The following COL23A1 variants were observed in gnomAD, a reference collection of about 807,000 sequenced individuals.
The protein encoded by COL23A1 is collagen type XXIII alpha 1 chain, also known as collagen alpha-1(XXIII) chain.
COL23A1 carries 97 observed loss-of-function variants against 99.3 expected under a neutral mutation model. The observed-to-expected ratio is 0.98, with a 90% confidence interval of 0.83 to 1.16. The LOEUF (loss-of-function observed/expected upper bound fraction) is 1.16, where lower values mean the gene tolerates loss of function less well. COL23A1 is among the 50% of genes most tolerant of loss of function. The pLI, the probability that COL23A1 is intolerant of heterozygous loss-of-function variation, is 0.00. For missense variants in COL23A1, 762 were observed against 757.4 expected (o/e 1.01, Z -0.07); for synonymous variants, 320 against 308.2 (o/e 1.04, Z -0.40).
At chr5:178,412,636 C>G (rs1765110274) in intron 2 of COL23A1, among the ~76,000 whole-genome samples, 1 of 152,088 alleles carries the variant, frequency 6.6e-6, no homozygotes, top group Non-Finnish European at 1.5e-5. Flanking sequence ...TTTGGTGAAG[C>G]ATAATATACA....
intron 2 of COL23A1, among the ~76,000 whole-genome samples, chr5:178,326,891 C>T (rs907617038): frequency 1.9e-4 from 29 of 152,188 alleles, no homozygotes; most frequent in African/African-American, 5.8e-4. Context: ...GGCTAATTTT[C>T]GTATTTTTAG....
intron 1 of COL23A1, among the ~76,000 whole-genome samples, chr5:178,588,150 C>A (rs538715745): frequency 2.0e-3 from 302 of 152,308 alleles, no homozygotes; most frequent in Non-Finnish European, 3.4e-3. Flanking sequence ...AGAACACACA[C>A]CCTGTCCAAT....
At chr5:178,391,854 T>C (rs1478043850) in intron 2 of COL23A1, among the ~76,000 whole-genome samples, 1 of 151,702 alleles carries the variant, frequency 6.6e-6, no homozygotes, top group Admixed American at 6.6e-5. Context: ...AATGGATAAA[T>C]AAAATGTGGT....
rs1561795929 is a variant in COL23A1, at chr5:178,256,923, C to T, written c.780G>A (p.Glu260=). 6.2e-7 allele frequency: 1 copy of T among 1,613,376 alleles called. No individual in the cohort carries two copies. Among genetic ancestry groups the T allele is most frequent in the South Asian group, 1.1e-5 (1 of 90,988 alleles). The change falls in exon 14 of 29, where the codon GAG becomes GAA. Residue 260 remains glutamate, a synonymous_variant. Coordinates refer to ENST00000390654, the MANE Select transcript of COL23A1 (RefSeq NM_173465.4). ...SQPGPPGPKG[E]PGSMGPRGEN... is the part of the protein sequence containing the mutation. ...CTCCCCGAGGCCCCATGCTCCCTGG[C>T]TCGCCCTGAAACAGACACAGCTGCA...
chr5:178,571,781 TAAA>T (rs1763107934), intron 1 of COL23A1, among the ~76,000 whole-genome samples: 1 of 152,062 alleles, frequency 6.6e-6, no homozygotes, highest in Admixed American at 6.6e-5. Context: ...TGAAAAGACC[TAAA>T]CTGGGCTGGC....
At chr5:178,547,265 G>T (rs1032392621) in intron 2 of COL23A1, among the ~76,000 whole-genome samples, 1 of 151,990 alleles carries the variant, frequency 6.6e-6, no homozygotes, top group African/African-American at 2.4e-5. Flanking sequence ...GGGCACACTC[G>T]GAACTCAGCA....
chr5:178,312,608 C>A (rs968336317), intron 2 of COL23A1, among the ~76,000 whole-genome samples: 1 of 147,030 alleles, frequency 6.8e-6, no homozygotes, highest in African/African-American at 2.5e-5. Flanking sequence ...TCCCCAAGGA[C>A]GTCCCCTCTA....
At chr5:178,545,925 C>T (rs992588932) in intron 2 of COL23A1, among the ~76,000 whole-genome samples, 2 of 152,172 alleles carry the variant, frequency 1.3e-5, no homozygotes, top group Non-Finnish European at 2.9e-5. Flanking sequence ...ATCGTATTAC[C>T]CCATTTTATG....
At chr5:178,328,848 G>A (rs1202583423) in intron 2 of COL23A1, among the ~76,000 whole-genome samples, 1 of 152,178 alleles carries the variant, frequency 6.6e-6, no homozygotes, top group African/African-American at 2.4e-5. Flanking sequence ...GAGACTGAAT[G>A]TACAAATTCA....
chr5:178,383,843 G>A (rs1014966050), intron 2 of COL23A1, among the ~76,000 whole-genome samples: 2 of 150,700 alleles, frequency 1.3e-5, no homozygotes, highest in Non-Finnish European at 2.9e-5. Context: ...GTGGCCTCAC[G>A]CTGGACATGG....
rs1379967696 is a variant in COL23A1, at chr5:178,365,310, C to T, written c.362-58391G>A. ...TGCTTTGATGCATGGGGTAGAGGAA[C>T]CCTAGGAGGCACTGAGACCTCGGTG... On this transcript the variant is annotated intron_variant, in intron 2 of 28. Coordinates refer to ENST00000390654, the MANE Select transcript of COL23A1 (RefSeq NM_173465.4). The surrounding 1 kb of genome is among the most constrained non-coding windows in gnomAD (Gnocchi z 5.2). 6.6e-6 allele frequency among the ~76,000 whole-genome samples: 1 copy of T among 151,970 alleles called. No homozygotes were observed.
At chr5:178,503,045 T>C (rs115147932) in intron 2 of COL23A1, among the ~76,000 whole-genome samples, 94 of 152,288 alleles carry the variant, frequency 6.2e-4, no homozygotes, top group South Asian at 1.0e-3. Context: ...GCTTTCTATT[T>C]TATAAAAAGG....
chr5:178,519,636 G>A (rs939654649), intron 2 of COL23A1, among the ~76,000 whole-genome samples: 2 of 152,216 alleles, frequency 1.3e-5, no homozygotes. Context: ...GTGTCAGTTT[G>A]CAAACCCTTG....
rs146499640 is a variant in COL23A1 at position 178,368,669 on chromosome 5, G to A, written c.362-61750C>T. On this transcript the variant is annotated intron_variant, in intron 2 of 28. Coordinates refer to ENST00000390654, the MANE Select transcript of COL23A1 (RefSeq NM_173465.4). The stretch of plus-strand genomic sequence containing the variant: ...CCAAGCCTGGCCTCCAGAAGCCATC[G>A]GCCTCCAGAAGCCGTCAGCCTCCAG... 2.7e-4 allele frequency among the ~76,000 whole-genome samples: 41 copies of A among 149,750 alleles called. No individual in the cohort carries two copies. The East Asian group carries it at 5.2e-3, about 19-fold the overall frequency.
At chr5:178,469,389 G>T (rs903679397) in intron 2 of COL23A1, among the ~76,000 whole-genome samples, 4 of 152,168 alleles carry the variant, frequency 2.6e-5, no homozygotes, top group Non-Finnish European at 4.4e-5. Context: ...GCCTGGCCTG[G>T]GAGATGCACA....
Position 178,544,668 on chromosome 5 carries a change from G to A in COL23A1, c.361+16014C>T, listed in dbSNP as rs1761483701. Among the ~76,000 whole-genome samples the A allele has an allele frequency of 6.6e-6, 1 of 152,222 alleles. No homozygotes were observed. Among genetic ancestry groups the A allele is most frequent in the African/African-American group, 2.4e-5 (1 of 41,462 alleles). On this transcript the variant is annotated intron_variant, in intron 2 of 28. Coordinates refer to ENST00000390654, the MANE Select transcript of COL23A1 (RefSeq NM_173465.4). This position sits in a 1 kb window ranked among gnomAD's most constrained non-coding sequence, Gnocchi z 4.4. ...ACGGGCGGTGCCACAAATGGGAGGTGACGATCAGGGGCGGTCACCTTCCAG... is the reference window on the plus strand; with the variant it reads ...ACGGGCGGTGCCACAAATGGGAGGTAACGATCAGGGGCGGTCACCTTCCAG...
rs1766423859 is a variant in COL23A1, at chr5:178,434,230, C to T, written c.361+126452G>A. Among the ~76,000 whole-genome samples the T allele has an allele frequency of 6.6e-6, 1 of 152,220 alleles. No homozygotes were observed. The highest frequency in any genetic ancestry group is 6.5e-5 in the Admixed American group (1 of 15,290). On this transcript the variant is annotated intron_variant, in intron 2 of 28. Transcript: ENST00000390654. This position sits in a 1 kb window ranked among gnomAD's most constrained non-coding sequence, Gnocchi z 4.3. Reference sequence around the variant, plus strand: ...GGCTGCCCCAGGTCACACACTGATGCCCCAGGTCACACTGTGGGTCAGTGG... The same window carrying T: ...GGCTGCCCCAGGTCACACACTGATGTCCCAGGTCACACTGTGGGTCAGTGG...
chr5:178,568,245 G>A lies in COL23A1; in HGVS notation c.295-7497C>T, dbSNP rs564899985. Reference sequence around the variant, plus strand: ...TGAGAAATGGTCATAGATTGGAAGAGACTAAGAAGACAGCACAATCAAATG... The same window carrying A: ...TGAGAAATGGTCATAGATTGGAAGAAACTAAGAAGACAGCACAATCAAATG... On this transcript the variant is annotated intron_variant, in intron 1 of 28. Coordinates refer to ENST00000390654, the MANE Select transcript of COL23A1 (RefSeq NM_173465.4). 6.6e-5 allele frequency among the ~76,000 whole-genome samples: 10 copies of A among 152,292 alleles called. No homozygotes were observed. The South Asian group carries it at 2.1e-3, about 32-fold the overall frequency.
At chr5:178,512,035 T>A (rs1450114899) in intron 2 of COL23A1, among the ~76,000 whole-genome samples, 1 of 152,196 alleles carries the variant, frequency 6.6e-6, no homozygotes, top group Non-Finnish European at 1.5e-5. Flanking sequence ...GAAACCTGAG[T>A]GTCATTTGAC....
Sources: gnomAD v4.1 joint callset for allele counts (sites outside exome capture counted in the v4.1 genomes callset) on GRCh38, gnomAD v4.1.1 for gene constraint, Gnocchi (gnomAD v3.1) non-coding constraint, MANE v1.5 for transcripts, NCBI Gene and HGNC (gene_info 2026-07-23, HGNC 2026-07-21) for gene names.